The following TTC7A variants were observed in gnomAD, a reference collection of about 807,000 sequenced individuals.
The protein encoded by TTC7A is tetratricopeptide repeat protein 7A.
A neutral mutation model predicts 103.7 loss-of-function variants in TTC7A; 110 were observed. That is an observed-to-expected ratio of 1.06 (90% CI 0.91 to 1.24). The LOEUF (loss-of-function observed/expected upper bound fraction) is 1.24, where lower values mean the gene tolerates loss of function less well. Ranked by LOEUF, TTC7A falls within the 50% of genes most tolerant of loss-of-function variation. The probability of loss-of-function intolerance (pLI) is 0.00; values close to 1 mark genes in which losing one functional copy is unlikely to be tolerated. For missense variants in TTC7A, 1,340 were observed against 1,116.3 expected, an observed-to-expected ratio of 1.20 and a Z score of -2.86; for synonymous variants, 521 against 467.9, an observed-to-expected ratio of 1.11 and a Z score of -1.47.
At chr2:47,029,904 A>G (rs1680337309) in intron 15 of TTC7A, among the ~76,000 whole-genome samples, 1 of 152,136 alleles carries the variant, frequency 6.6e-6, no homozygotes, top group South Asian at 2.1e-4. Context: ...AGCAGGGTTT[A>G]AGTTGCACTT....
At chr2:47,043,771 G>C (rs574574903) in intron 15 of TTC7A, among the ~76,000 whole-genome samples, 13 of 152,260 alleles carry the variant, frequency 8.5e-5, no homozygotes, top group Non-Finnish European at 1.6e-4. Context: ...GTCGGGTTGA[G>C]AAAATCCGCT....
At chr2:47,018,131 G>A (rs1261804171) in intron 11 of TTC7A, among the ~76,000 whole-genome samples, 1 of 151,246 alleles carries the variant, frequency 6.6e-6, no homozygotes, top group African/African-American at 2.4e-5. Flanking sequence ...ACAAAAATTA[G>A]CCGGGCATGG....
intron 15 of TTC7A, 52 bp downstream of exon 15, chr2:47,029,436 G>C (rs756059186): frequency 6.2e-7 from 1 of 1,602,068 alleles, no homozygotes; most frequent in Admixed American, 1.7e-5. Flanking sequence ...GGCCTCTGCA[G>C]CAGGCGCCCA....
At chr2:46,949,552 A>G (rs1016979413) in intron 1 of TTC7A, among the ~76,000 whole-genome samples, 4 of 152,030 alleles carry the variant, frequency 2.6e-5, no homozygotes, top group Non-Finnish European at 5.9e-5. Flanking sequence ...GTATAAAACC[A>G]CCTACCAGGT....
At chr2:46,983,662 C>T (rs925037523) in intron 5 of TTC7A, among the ~76,000 whole-genome samples, 3 of 152,202 alleles carry the variant, frequency 2.0e-5, no homozygotes, top group African/African-American at 4.8e-5. Flanking sequence ...GGTGGCCTGC[C>T]GCCACTTTTC....
intron 3 of TTC7A, among the ~76,000 whole-genome samples, chr2:46,972,785 C>T (rs1673487694): frequency 6.6e-6 from 1 of 152,200 alleles, no homozygotes; most frequent in Admixed American, 6.5e-5. Context: ...ATAACTCGAG[C>T]ACCTACTATG....
intron 15 of TTC7A, chr2:47,045,520 G>A (rs1682222949): frequency 6.6e-6 from 1 of 152,246 alleles, no homozygotes; most frequent in Non-Finnish European, 1.5e-5. Flanking sequence ...TACCTCAGAG[G>A]ACTTTAGGTT....
At chr2:46,951,676 G>A (rs535767122) in intron 2 of TTC7A, 15 of 456,282 alleles carry the variant, frequency 3.3e-5, no homozygotes, top group South Asian at 1.9e-4. Flanking sequence ...CTCCCGAAGC[G>A]TTGGGATTAC....
At chr2:47,032,859 C>CA (rs10586448) in intron 15 of TTC7A, among the ~76,000 whole-genome samples, 7,947 of 87,438 alleles carry the variant, frequency 0.091, 262 homozygotes, top group Non-Finnish European at 0.11. Flanking sequence ...TTGTTTTAAG[C>CA]AAAAAAAAAA....
intron 15 of TTC7A, among the ~76,000 whole-genome samples, chr2:47,030,809 C>G (rs933006210): frequency 6.6e-6 from 1 of 152,156 alleles, no homozygotes; most frequent in East Asian, 1.9e-4. Context: ...CTTTTATGTT[C>G]GTGGCCGGCC....
rs1558489839 is a variant in TTC7A at position 46,941,950 on chromosome 2, C to T, written c.184+225C>T. 1.6e-5 allele frequency: 10 copies of T among 607,700 alleles called. No homozygotes were observed. The East Asian group carries it at 1.7e-4, about 10-fold the overall frequency. 37.6% of individuals were successfully genotyped at this position (607,700 alleles called of 1,614,324 possible). A position where few individuals can be genotyped will look rare whatever the true frequency, so the allele number is the denominator to read the frequency against. On this transcript the variant is annotated intron_variant, in intron 1 of 19. Transcript: ENST00000319190. This position sits in a 1 kb window ranked among gnomAD's most constrained non-coding sequence, Gnocchi z 4.2. ...AAGAGAAACGGCTTTTGCTCTGTGTCCTTTAGGATAATGTGGCTAACTCTG... is the reference window on the plus strand; with the variant it reads ...AAGAGAAACGGCTTTTGCTCTGTGTTCTTTAGGATAATGTGGCTAACTCTG...
At chr2:46,995,929 C>T (rs1033056710) in intron 8 of TTC7A, among the ~76,000 whole-genome samples, 4 of 152,234 alleles carry the variant, frequency 2.6e-5, no homozygotes, top group African/African-American at 9.6e-5. Flanking sequence ...GAAAAGAACA[C>T]AGAGGAGAAG....
chr2:46,987,807 C>CGTGTGTGTGT lies in TTC7A; in HGVS notation c.765-5642_765-5641insTGTGTGTGTG, dbSNP rs1234466462. Among the ~76,000 whole-genome samples the CGTGTGTGTGT allele has an allele frequency of 1.3e-4, 14 of 110,112 alleles. No individual in the cohort carries two copies. In the East Asian group the frequency reaches 2.4e-3, roughly 19 times the overall value. The allele number at this position is 110,112 out of a possible 152,430, so 72.2% of individuals were successfully genotyped here. A position where few individuals can be genotyped will look rare whatever the true frequency, so the allele number is the denominator to read the frequency against. ...CCGGTGAAAGCACTGTCCCTTTCCGCGCGTGTGTGTGTGTGTGTGTGTGTG... is the reference window on the plus strand; with the variant it reads ...CCGGTGAAAGCACTGTCCCTTTCCGCGTGTGTGTGTGCGTGTGTGTGTGTGTGTGTGTGTG... On this transcript the variant is annotated intron_variant, in intron 5 of 19. Coordinates refer to ENST00000319190, the MANE Select transcript of TTC7A (RefSeq NM_020458.4).
At chr2:47,029,123 CTTGAG>C in intron 14 of TTC7A, 96 bp from the exon 15 acceptor site, 2 of 1,428,746 alleles carry the variant, frequency 1.4e-6, no homozygotes, top group Non-Finnish European at 9.6e-7. Flanking sequence ...CTGGGGCTCC[CTTGAG>C]TTGAGTGTGA....
intron 11 of TTC7A, among the ~76,000 whole-genome samples, chr2:47,015,371 G>T (rs1572912714): frequency 6.6e-6 from 1 of 152,268 alleles, no homozygotes; most frequent in African/African-American, 2.4e-5. Context: ...GTTGCAAAAT[G>T]GAAACAGGGC....
chr2:47,002,748 C>G (rs544544365), intron 8 of TTC7A, among the ~76,000 whole-genome samples: 7 of 152,284 alleles, frequency 4.6e-5, no homozygotes, highest in Non-Finnish European at 5.9e-5. Flanking sequence ...CCATTTCCCC[C>G]TACCCCTCCC....
At chr2:46,920,048 G>A (rs1466490714) in intron 2 of TTC7A, among the ~76,000 whole-genome samples, 1 of 152,196 alleles carries the variant, frequency 6.6e-6, no homozygotes, top group Non-Finnish European at 1.5e-5. Flanking sequence ...CTGGGGTGGT[G>A]AATATGATGG....
intron 2 of TTC7A, among the ~76,000 whole-genome samples, chr2:46,923,890 G>A (rs1669243535): frequency 2.6e-5 from 4 of 151,970 alleles, no homozygotes; most frequent in Admixed American, 1.3e-4. Context: ...CTGCCACCAC[G>A]CCCAGCTAAT....
intron 2 of TTC7A, among the ~76,000 whole-genome samples, chr2:46,931,692 T>TAAATAAATA (rs370894593): frequency 5.7e-4 from 85 of 148,644 alleles, no homozygotes; most frequent in African/African-American, 1.2e-3. Flanking sequence ...AAACAGACAA[T>TAAATAAATA]AATAAATAAA....
Sources: allele counts gnomAD v4.1 joint callset (sites outside exome capture counted in the v4.1 genomes callset), GRCh38; gene constraint gnomAD v4.1.1; non-coding constraint Gnocchi (gnomAD v3.1); transcripts MANE v1.5; gene names NCBI Gene and HGNC (gene_info 2026-07-23, HGNC 2026-07-21).